FKBP11: variants seen among roughly 807,000 people sequenced by gnomAD.
FKBP11 encodes FKBP prolyl isomerase 11.
Under a neutral mutation model 24.7 loss-of-function variants are expected in FKBP11, and 21 were observed. The observed-to-expected ratio is 0.85, with a 90% confidence interval of 0.60 to 1.23. The LOEUF is 1.23. FKBP11 is among the 50% of genes most tolerant of loss of function. The pLI is 0.00. For missense variants in FKBP11, 245 were observed against 248.7 expected, an observed-to-expected ratio of 0.99 and a Z score of 0.10; for synonymous variants, 106 against 100.6, an observed-to-expected ratio of 1.05 and a Z score of -0.32.
Position 48,922,084 on chromosome 12 carries a change from A to C in FKBP11, c.506T>G (p.Leu169Arg). ...GTATAGGTGATACCCAATGAGGCCCAGGAGGGCTGGCACCATGGCCATCCC... is the reference window on the plus strand; with the variant it reads ...GTATAGGTGATACCCAATGAGGCCCCGGAGGGCTGGCACCATGGCCATCCC... ...LVGMAMVPAL[L>R]GLIGYHLYRK... Residue 169 changes from leucine (L) to arginine (R), a missense_variant, in exon 6 of 6, where the codon CTG becomes CGG. By Grantham distance (102) the Leu-to-Arg change is moderately radical. Coordinates refer to ENST00000550765, the MANE Select transcript of FKBP11 (RefSeq NM_016594.3). 6.2e-7 allele frequency: 1 copy of C among 1,614,222 alleles called. No homozygotes were observed. Among genetic ancestry groups the C allele is most frequent in the East Asian group, 2.2e-5 (1 of 44,882 alleles).
At chr12:48,937,007 CCA>C in the FKBP11 span, 1 of 152,194 alleles carries the variant, frequency 6.6e-6, no homozygotes, top group Non-Finnish European at 1.5e-5. Context: ...CCCACAACCA[CCA>C]CACACAAACA....
At chr12:48,924,383 C>A in intron 3 of FKBP11, 127 bp from the exon 4 acceptor site, 1 of 1,309,724 alleles carries the variant, frequency 7.6e-7, no homozygotes. Context: ...CTCTGGCTTC[C>A]AATAGGATAT....
chr12:48,938,404 C>T, the FKBP11 span: 1 of 454,332 alleles, frequency 2.2e-6, no homozygotes, highest in Non-Finnish European at 4.4e-6. Flanking sequence ...GGCTGCAAGC[C>T]CTGAGCTTCA....
At chr12:48,928,951 T>C (rs1940015681), upstream of FKBP11, among the ~76,000 whole-genome samples, 1 of 148,990 alleles carries the variant, frequency 6.7e-6, no homozygotes, top group South Asian at 2.1e-4. Context: ...GCCTCCCAAG[T>C]AGCTGGGACT....
At chr12:48,923,739 C>T in intron 5 of FKBP11, 43 bp downstream of exon 5, 1 of 1,595,954 alleles carries the variant, frequency 6.3e-7, no homozygotes, top group Non-Finnish European at 8.6e-7. Flanking sequence ...CTCTTAGGGA[C>T]TGGGTATTTT....
At chr12:48,923,943 A>C (rs894651875) in intron 4 of FKBP11, 91 bp from the exon 5 acceptor site, 1 of 1,306,832 alleles carries the variant, frequency 7.7e-7, no homozygotes, top group African/African-American at 1.4e-5. Flanking sequence ...AAACCCCCTG[A>C]ATCTTCACAC....
the FKBP11 span, among the ~76,000 whole-genome samples, chr12:48,934,733 GC>G: frequency 6.6e-6 from 1 of 152,128 alleles, no homozygotes; most frequent in South Asian, 2.1e-4. Context: ...AAAACACCTG[GC>G]CGGGCGTGGT....
intron 5 of FKBP11, chr12:48,923,519 C>T: frequency 2.6e-6 from 4 of 1,551,152 alleles, no homozygotes; most frequent in Non-Finnish European, 3.5e-6. Flanking sequence ...GCAGCAGACC[C>T]ATGTGGCCCA....
Position 48,925,108 on chromosome 12 carries a change from C to T in FKBP11, c.133G>A (p.Glu45Lys), listed in dbSNP as rs749707307. Residue 45 changes from glutamate (E) to lysine (K), a missense_variant, in exon 2 of 6, where the codon GAG becomes AAG. Coordinates refer to ENST00000550765, the MANE Select transcript of FKBP11 (RefSeq NM_016594.3). Reference protein sequence around the residue: ...VRTLQVETLVEPPEPCAEPAA... With the variant: ...VRTLQVETLVKPPEPCAEPAA... ...GGCTCGGCACATGGTTCTGGGGGCT[C>T]CACCTACGATCGGACTACAGGGGTC... 3 of 1,613,460 alleles carry T rather than the reference C, an allele frequency of 1.9e-6. No individual in the cohort carries two copies. The highest frequency in any genetic ancestry group is 1.7e-5 in the Admixed American group (1 of 59,910).
the FKBP11 span, among the ~76,000 whole-genome samples, chr12:48,933,439 T>C: frequency 6.6e-5 from 10 of 152,294 alleles, no homozygotes; most frequent in South Asian, 2.1e-3. Flanking sequence ...CGGTGGCTCA[T>C]GCCTGTAATC....
upstream of FKBP11, among the ~76,000 whole-genome samples, chr12:48,929,102 C>T (rs1940017516): frequency 6.6e-6 from 1 of 151,092 alleles, no homozygotes; most frequent in South Asian, 2.1e-4. Context: ...GCTGGGATTA[C>T]AGGCGTGAGC....
chr12:48,932,259 A>AT, the FKBP11 span, among the ~76,000 whole-genome samples: 5 of 28,788 alleles, frequency 1.7e-4, no homozygotes, highest in African/African-American at 5.1e-4. Context: ...ATATATATAT[A>AT]TATTTTTTTT....
Position 48,923,089 on chromosome 12 carries a change from G to A in FKBP11, c.388+693C>T, listed in dbSNP as rs1939872044. 4.2e-6 allele frequency: 4 copies of A among 959,672 alleles called. No individual in the cohort carries two copies. In the South Asian group the frequency reaches 6.6e-5, roughly 16 times the overall value. 59.4% of individuals were successfully genotyped at this position (959,672 alleles called of 1,614,324 possible). ...CTTGAACCCGGGTGGCGGAGGTTGT[G>A]GTGAGTGAAGATTGCACTATTGCAC... On this transcript the variant is annotated intron_variant, in intron 5 of 5. Transcript: ENST00000550765.
chr12:48,932,253 ATATATATATTTTTTTTTTTTTTT>A, the FKBP11 span, among the ~76,000 whole-genome samples: 3 of 38,474 alleles, frequency 7.8e-5, no homozygotes, highest in Admixed American at 3.4e-4. Context: ...ATATATATAT[ATATATATATTTTTTTTTTTTTTT>A]TTTTTTTTTT....
chr12:48,922,909 G>A (rs1466978129), intron 5 of FKBP11: 1 of 1,064,862 alleles, frequency 9.4e-7, no homozygotes, highest in African/African-American at 1.7e-5. Flanking sequence ...CGCACTTTGG[G>A]AAGCCAAGGC....
Position 48,925,453 on chromosome 12 carries a change from G to A in FKBP11, c.-25C>T. 1.3e-6 allele frequency: 2 copies of A among 1,546,730 alleles called. No homozygotes were observed. Among genetic ancestry groups the A allele is most frequent in the East Asian group, 2.4e-5 (1 of 41,482 alleles). ...TGACTGGGCGCGGGGCAGGGAGCCG[G>A]GGCACCAGGACAGGCTGTTCGGGTG... On this transcript the variant is annotated 5_prime_UTR_variant, in exon 1 of 6. Transcript: ENST00000550765.
chr12:48,938,892 G>A, the FKBP11 span: 2 of 1,585,254 alleles, frequency 1.3e-6, no homozygotes, highest in African/African-American at 1.3e-5. Flanking sequence ...CTGGGGCAGG[G>A]TGACAGTAGG....
the FKBP11 span, among the ~76,000 whole-genome samples, chr12:48,932,857 C>T: frequency 6.6e-6 from 1 of 152,134 alleles, no homozygotes; most frequent in Non-Finnish European, 1.5e-5. Context: ...CCAGACAGCT[C>T]TCAATATGCC....
At chr12:48,927,239 C>T (rs1041374606), upstream of FKBP11, among the ~76,000 whole-genome samples, 4 of 152,196 alleles carry the variant, frequency 2.6e-5, no homozygotes, top group Non-Finnish European at 4.4e-5. Flanking sequence ...AACGGGTCTA[C>T]TCTGGATTCT....
Sources: allele counts gnomAD v4.1 joint callset (sites outside exome capture counted in the v4.1 genomes callset), GRCh38; gene constraint gnomAD v4.1.1; transcripts MANE v1.5; gene names NCBI Gene and HGNC (gene_info 2026-07-23, HGNC 2026-07-21).